B3GALT1: variants seen among roughly 807,000 people sequenced by gnomAD.
B3GALT1 encodes the protein beta-1,3-galactosyltransferase 1.
In B3GALT1, 10 loss-of-function variants were observed where a neutral mutation model predicts 23.2. That is an observed-to-expected ratio of 0.43 (90% CI 0.27 to 0.73). The LOEUF (loss-of-function observed/expected upper bound fraction) is 0.73. Among genes scored for constraint, B3GALT1 ranks in the 30% least tolerant of loss-of-function variants. B3GALT1 has a pLI of 0.21. For synonymous variants in B3GALT1, 156 were observed against 141.5 expected (o/e 1.10, Z -0.73); for missense variants, 299 against 405.4 (o/e 0.74, Z 2.25).
At position 167,571,218 on chromosome 2, in the gene B3GALT1, C is replaced by T. The variant is rs560771584; in HGVS notation, c.-409-75691C>T. On this transcript the variant is annotated intron_variant, in intron 2 of 4. Transcript: ENST00000392690. ...TTTGAATAATCATTTTGGGAATCTG[C>T]CCTTAATGAAAGTCTCTGCATTCAC... Among the ~76,000 whole-genome samples the T allele has an allele frequency of 1.8e-4, 27 of 151,946 alleles. No individual in the cohort carries two copies. In the South Asian group the frequency reaches 5.0e-3, roughly 28 times the overall value.
At chr2:167,295,061 A>G (rs1696327942) in intron 1 of B3GALT1, among the ~76,000 whole-genome samples, 1 of 152,190 alleles carries the variant, frequency 6.6e-6, no homozygotes, top group Non-Finnish European at 1.5e-5. Context: ...TTTTCTCCCA[A>G]TTTAACAACT....
At chr2:167,766,336 T>C (rs1687975735) in intron 3 of B3GALT1, among the ~76,000 whole-genome samples, 1 of 152,176 alleles carries the variant, frequency 6.6e-6, no homozygotes, top group Non-Finnish European at 1.5e-5. Flanking sequence ...AGAAAAACCT[T>C]TCTGTAGAAA....
chr2:167,691,016 A>G (rs1368608590), intron 3 of B3GALT1, among the ~76,000 whole-genome samples: 1 of 152,180 alleles, frequency 6.6e-6, no homozygotes, highest in African/African-American at 2.4e-5. Flanking sequence ...GCAAACAAAA[A>G]TATCAGTATT....
intron 1 of B3GALT1, among the ~76,000 whole-genome samples, chr2:167,350,796 A>C (rs1191527127): frequency 6.6e-6 from 1 of 152,164 alleles, no homozygotes; most frequent in African/African-American, 2.4e-5. Flanking sequence ...TCTTGTGCCT[A>C]CACTCCTTTC....
chr2:167,331,459 G>A (rs1696971361), intron 1 of B3GALT1, among the ~76,000 whole-genome samples: 1 of 152,158 alleles, frequency 6.6e-6, no homozygotes, highest in Non-Finnish European at 1.5e-5. Flanking sequence ...TGAGACCCAT[G>A]TGGTCCATGC....
intron 3 of B3GALT1, among the ~76,000 whole-genome samples, chr2:167,705,072 A>C (rs1025667414): frequency 3.9e-5 from 6 of 152,210 alleles, no homozygotes; most frequent in Admixed American, 6.5e-5. Context: ...TGGCTATGTG[A>C]CCTGCTTGTG....
chr2:167,449,748 C>T (rs1416678864), intron 1 of B3GALT1, among the ~76,000 whole-genome samples: 1 of 152,054 alleles, frequency 6.6e-6, no homozygotes, highest in African/African-American at 2.4e-5. Context: ...ATGGCTTTTA[C>T]TACATTGAGG....
chr2:167,562,932 C>T (rs111518893), intron 2 of B3GALT1, among the ~76,000 whole-genome samples: 1 of 152,102 alleles, frequency 6.6e-6, no homozygotes. Context: ...CCTGAGTGGA[C>T]ACAGCACATG....
At chr2:167,616,233 G>A (rs984472287) in intron 2 of B3GALT1, among the ~76,000 whole-genome samples, 2 of 151,984 alleles carry the variant, frequency 1.3e-5, no homozygotes, top group Non-Finnish European at 2.9e-5. Flanking sequence ...GAAGAGTGTG[G>A]TAATAGGAAC....
intron 4 of B3GALT1, among the ~76,000 whole-genome samples, chr2:167,862,258 G>A (rs895855342): frequency 9.2e-5 from 14 of 152,178 alleles, no homozygotes; most frequent in African/African-American, 3.4e-4. Flanking sequence ...GAAACCAGTG[G>A]AATAGTTTCA....
intron 3 of B3GALT1, among the ~76,000 whole-genome samples, chr2:167,701,853 C>T (rs1179799010): frequency 1.3e-5 from 2 of 152,174 alleles, no homozygotes; most frequent in East Asian, 3.9e-4. Flanking sequence ...CATCAAGCGT[C>T]TTTCAAGTCC....
Position 167,629,078 on chromosome 2 carries a change from C to A in B3GALT1, c.-409-17831C>A, listed in dbSNP as rs1380627664. On this transcript the variant is annotated intron_variant, in intron 2 of 4. Transcript: ENST00000392690. ...AACCTCTCTGAGTTATATTGTATAG[C>A]CAACAGAGGACGGATTGGAGCAGAG... is the stretch of plus-strand genomic sequence containing the variant. Among the ~76,000 whole-genome samples the A allele has an allele frequency of 7.3e-5, 11 of 151,542 alleles. No individual in the cohort carries two copies. The Admixed American group carries it at 7.3e-4, about 10-fold the overall frequency.
chr2:167,431,958 A>G (rs1355839767), intron 1 of B3GALT1, among the ~76,000 whole-genome samples: 1 of 152,324 alleles, frequency 6.6e-6, no homozygotes, highest in South Asian at 2.1e-4. Flanking sequence ...TTCTACTTGA[A>G]TAAGTGGAGC....
intron 2 of B3GALT1, among the ~76,000 whole-genome samples, chr2:167,521,004 A>G (rs1224750612): frequency 2.0e-5 from 3 of 152,068 alleles, no homozygotes; most frequent in Non-Finnish European, 2.9e-5. Flanking sequence ...GTAAATTGAC[A>G]TAGATGGTCT....
chr2:167,351,034 C>T (rs1168003124), intron 1 of B3GALT1, among the ~76,000 whole-genome samples: 5 of 152,030 alleles, frequency 3.3e-5, no homozygotes, highest in East Asian at 3.9e-4. Flanking sequence ...TTTGCGAGGC[C>T]GAGGCAGGTG....
chr2:167,421,721 G>A (rs911376289), intron 1 of B3GALT1, among the ~76,000 whole-genome samples: 19 of 152,182 alleles, frequency 1.2e-4, no homozygotes, highest in Admixed American at 9.8e-4. Context: ...AATTGCATAT[G>A]CAGTTCTTCC....
At chr2:167,603,525 T>C (rs1684909607) in intron 2 of B3GALT1, among the ~76,000 whole-genome samples, 1 of 152,222 alleles carries the variant, frequency 6.6e-6, no homozygotes, top group African/African-American at 2.4e-5. Context: ...AACATTACTA[T>C]AGAATGTAAA....
chr2:167,870,400 C>T lies in B3GALT1; in HGVS notation c.*380C>T. The T allele has an allele frequency of 5.5e-6, 1 of 182,902 alleles. No homozygotes were observed. The highest frequency in any genetic ancestry group is 5.7e-5 in the Admixed American group (1 of 17,530). The allele number at this position is 182,902 out of a possible 1,614,324, so 11.3% of individuals were successfully genotyped here. A position where few individuals can be genotyped will look rare whatever the true frequency, so the allele number is the denominator to read the frequency against. On this transcript the variant is annotated 3_prime_UTR_variant, in exon 5 of 5. Coordinates refer to ENST00000392690, the MANE Select transcript of B3GALT1 (RefSeq NM_020981.4). ...TTAATACACAAATAGAAACCATTTT[C>T]AAAAGCAATTCAGAAAGGATGCACA...
At chr2:167,629,478 C>T (rs1227152) in intron 2 of B3GALT1, among the ~76,000 whole-genome samples, 123,950 of 151,614 alleles carry the variant, frequency 0.82, 51,252 homozygotes, top group African/African-American at 0.95. Flanking sequence ...ACACTCCATT[C>T]TCATACATGA....
Sources: gnomAD v4.1 joint callset for allele counts (sites outside exome capture counted in the v4.1 genomes callset) on GRCh38, gnomAD v4.1.1 for gene constraint, MANE v1.5 for transcripts, NCBI Gene and HGNC (gene_info 2026-07-23, HGNC 2026-07-21) for gene names.